FN1: variants seen among roughly 807,000 people sequenced by gnomAD.
FN1 encodes the protein fibronectin.
A neutral mutation model predicts 297.3 loss-of-function variants in FN1; 106 were observed. The observed-to-expected ratio is 0.36, with a 90% CI of 0.30 to 0.42. FN1 has a LOEUF of 0.42. FN1 is among the 10% of genes least tolerant of loss of function. FN1 has a pLI of 1.00. For missense variants in FN1, 2,690 were observed against 3,124.9 expected (o/e 0.86, Z 3.32); for synonymous variants, 1,149 against 1,152.6 (o/e 1.00, Z 0.06).
At chr2:215,373,645 T>G (rs953303762) in intron 38 of FN1, among the ~76,000 whole-genome samples, 2 of 151,846 alleles carry the variant, frequency 1.3e-5, no homozygotes, top group African/African-American at 2.4e-5. Context: ...GAATAGACAT[T>G]TTTTGGCTAA....
chr2:215,412,146 G>T (rs1196952616), intron 13 of FN1, among the ~76,000 whole-genome samples: 1 of 151,786 alleles, frequency 6.6e-6, no homozygotes, highest in African/African-American at 2.4e-5. Flanking sequence ...TCTGCAAATG[G>T]CCAGATTATG....
chr2:215,367,789 T>C, intron 42 of FN1, 74 bp downstream of exon 42: 1 of 1,461,904 alleles, frequency 6.8e-7, no homozygotes, highest in South Asian at 1.1e-5. Context: ...CAAACATGCT[T>C]CCTTGGCACA....
chr2:215,387,892 G>A (rs2059226477), intron 27 of FN1, among the ~76,000 whole-genome samples: 1 of 152,164 alleles, frequency 6.6e-6, no homozygotes, highest in Non-Finnish European at 1.5e-5. Flanking sequence ...GACAATGAGT[G>A]TTGGGTCAGC....
chr2:215,368,675 A>G (rs992193071), intron 41 of FN1, among the ~76,000 whole-genome samples: 1 of 152,210 alleles, frequency 6.6e-6, no homozygotes. Flanking sequence ...TAGTGCAGAA[A>G]GCCTAGATTT....
intron 35 of FN1, 149 bp from the exon 36 acceptor site, chr2:215,376,823 CAG>C: frequency 1.4e-6 from 1 of 689,754 alleles, no homozygotes; most frequent in Non-Finnish European, 2.5e-6. Context: ...CTTTGGCATT[CAG>C]AGAGAAAGGT....
intron 38 of FN1, 122 bp downstream of exon 38, chr2:215,375,092 G>A (rs2106285463): frequency 2.0e-6 from 2 of 1,019,130 alleles, no homozygotes; most frequent in South Asian, 2.7e-5. Flanking sequence ...GCTTTTTGAG[G>A]TTATCAGGAA....
chr2:215,425,579 G>A (rs1422341587), intron 6 of FN1, among the ~76,000 whole-genome samples: 3 of 152,046 alleles, frequency 2.0e-5, no homozygotes, highest in Admixed American at 6.5e-5. Flanking sequence ...TTGAGATGGG[G>A]TCTCACTCTG....
rs372356244 is a variant in FN1 at position 215,393,150 on chromosome 2, C to T, written c.3850G>A (p.Gly1284Ser). The change falls in exon 25 of 46, where the codon GGC becomes AGC. Residue 1284 changes from glycine (G) to serine (S), a missense_variant. Transcript: ENST00000354785. ...GAGTTTAGCGGGGTCCACCTCAGGCCGATGCTTGAATCGGTTATATCAACA... is the reference window on the plus strand; with the variant it reads ...GAGTTTAGCGGGGTCCACCTCAGGCTGATGCTTGAATCGGTTATATCAACA... Reference protein sequence around the residue: ...SFVDITDSSIGLRWTPLNSST... With the variant: ...SFVDITDSSISLRWTPLNSST... 64 of 1,613,602 alleles carry T rather than the reference C, an allele frequency of 4.0e-5. No homozygotes were observed. The highest frequency in any genetic ancestry group is 2.9e-4 in the South Asian group (26 of 91,062).
chr2:215,383,551 C>T, intron 30 of FN1, 68 bp from the exon 31 acceptor site: 1 of 1,479,640 alleles, frequency 6.8e-7, no homozygotes, highest in South Asian at 1.1e-5. Flanking sequence ...ACAAGTCCTC[C>T]TCTCTAGGTC....
chr2:215,415,499 A>G (rs1345456011), intron 12 of FN1, among the ~76,000 whole-genome samples: 1 of 152,228 alleles, frequency 6.6e-6, no homozygotes, highest in Non-Finnish European at 1.5e-5. Flanking sequence ...GGTAATAATT[A>G]AAGACCTAGT....
At chr2:215,390,566 T>G (rs2059600991) in intron 26 of FN1, among the ~76,000 whole-genome samples, 1 of 152,124 alleles carries the variant, frequency 6.6e-6, no homozygotes, top group Non-Finnish European at 1.5e-5. Flanking sequence ...AGCATTAGGA[T>G]TATAATAAGG....
intron 20 of FN1, 82 bp downstream of exon 20, chr2:215,404,307 T>TTTGTTGTTTTGTTTTGTTTG: frequency 1.6e-6 from 2 of 1,233,470 alleles, no homozygotes; most frequent in South Asian, 1.3e-5. Flanking sequence ...ATGTTTTTTT[T>TTTGTTGTTTTGTTTTGTTTG]GTTTTGTTTT....
intron 1 of FN1, among the ~76,000 whole-genome samples, chr2:215,435,276 G>A (rs2067260858): frequency 6.6e-6 from 1 of 152,044 alleles, no homozygotes; most frequent in Non-Finnish European, 1.5e-5. Context: ...GAAAATATTT[G>A]ACCAATTATT....
At chr2:215,433,617 A>G (rs2066920479) in intron 2 of FN1, among the ~76,000 whole-genome samples, 156 bp from the exon 3 acceptor site, 3 of 152,262 alleles carry the variant, frequency 2.0e-5, no homozygotes, top group African/African-American at 7.2e-5. Flanking sequence ...TTTTTATCCT[A>G]AGCTCTAATA....
rs1395729130 is a variant in FN1 at position 215,404,406 on chromosome 2, G to T, written c.3236C>A (p.Thr1079Asn). The T allele has an allele frequency of 6.2e-7, 1 of 1,613,800 alleles. No individual in the cohort carries two copies. Among genetic ancestry groups the T allele is most frequent in the Non-Finnish European group, 8.5e-7 (1 of 1,179,972 alleles). The change falls in exon 20 of 46, where the codon ACT becomes AAT. Residue 1079 changes from threonine to asparagine, a missense_variant. Physicochemically the swap from Thr to Asn is moderately conservative, Grantham distance 65 (BLOSUM62 0). Coordinates refer to ENST00000354785, the MANE Select transcript of FN1 (RefSeq NM_212482.4). ...IKGNQESPKA[T>N]GVFTTLQPGS... ...CAGCTTACGTGTGGTAAAGACTCCA[G>T]TGGCTTTGGGGCTCTCTTGGTTGCC... is the stretch of plus-strand genomic sequence containing the variant.
chr2:215,411,254 C>G (rs2062579954), intron 13 of FN1, among the ~76,000 whole-genome samples: 1 of 152,200 alleles, frequency 6.6e-6, no homozygotes, highest in Non-Finnish European at 1.5e-5. Flanking sequence ...AAACACCCTT[C>G]AGAAAAGATG....
chr2:215,365,756 A>G, intron 42 of FN1, 126 bp from the exon 43 acceptor site: 1 of 749,692 alleles, frequency 1.3e-6, no homozygotes, highest in Non-Finnish European at 2.2e-6. Context: ...CAAGTTAAAG[A>G]TAAAAACCCC....
At chr2:215,410,727 G>A (rs1218011163) in intron 13 of FN1, among the ~76,000 whole-genome samples, 3 of 151,968 alleles carry the variant, frequency 2.0e-5, no homozygotes, top group African/African-American at 2.4e-5. Context: ...GGCTGGTCTC[G>A]AACTCCCGAC....
rs1441747560 is a variant in FN1, at chr2:215,378,159, A to G, written c.5710+16T>C. 6.9e-7 allele frequency: 1 copy of G among 1,454,972 alleles called. No individual in the cohort carries two copies. The highest frequency in any genetic ancestry group is 1.4e-5 in the African/African-American group (1 of 72,070). The allele number at this position is 1,454,972 out of a possible 1,614,324, so 90.1% of individuals were successfully genotyped here. On this transcript the variant is annotated intron_variant, in intron 35 of 45. Coordinates refer to ENST00000354785, the MANE Select transcript of FN1 (RefSeq NM_212482.4). ...ATACAGAAGGTTTGTCCATATGAAG[A>G]CATTTTGTTACTTACTCTCCAGAGT...
Sources: allele counts gnomAD v4.1 joint callset (sites outside exome capture counted in the v4.1 genomes callset), GRCh38; gene constraint gnomAD v4.1.1; transcripts MANE v1.5; gene names NCBI Gene and HGNC (gene_info 2026-07-23, HGNC 2026-07-21).